PPP2CB: variants seen among roughly 807,000 people sequenced by gnomAD.
The protein encoded by PPP2CB is protein phosphatase 2 catalytic subunit beta, also known as serine/threonine-protein phosphatase 2A catalytic subunit beta isoform.
In PPP2CB, 18 loss-of-function variants were observed where a neutral mutation model predicts 39.1. The ratio of observed to expected loss-of-function variants is 0.46; its 90% CI spans 0.32 to 0.68. The LOEUF is 0.68. PPP2CB is among the 30% of genes least tolerant of loss of function. The probability of loss-of-function intolerance (pLI) is 0.04; values close to 1 mark genes in which losing one functional copy is unlikely to be tolerated. For synonymous variants in PPP2CB, 129 were observed against 133.8 expected, an observed-to-expected ratio of 0.96 and a Z score of 0.25; for missense variants, 226 against 396.9, an observed-to-expected ratio of 0.57 and a Z score of 3.66.
intron 1 of PPP2CB, among the ~76,000 whole-genome samples, chr8:30,811,471 G>A (rs1806824765): frequency 6.7e-6 from 1 of 149,970 alleles, no homozygotes; most frequent in Non-Finnish European, 1.5e-5. Flanking sequence ...CTACCTCTCC[G>A]CAAACAAACG....
chr8:30,789,856 A>G (rs1253340698), intron 6 of PPP2CB, among the ~76,000 whole-genome samples: 4 of 152,152 alleles, frequency 2.6e-5, no homozygotes, highest in South Asian at 2.1e-4. Context: ...TGGAGGCTAC[A>G]AGTCTGAAAG....
intron 6 of PPP2CB, among the ~76,000 whole-genome samples, chr8:30,789,037 C>T (rs564781598): frequency 2.7e-5 from 4 of 150,002 alleles, no homozygotes; most frequent in Non-Finnish European, 5.9e-5. Context: ...TGGCCCTGCT[C>T]GGATGTTTTT....
intron 1 of PPP2CB, among the ~76,000 whole-genome samples, chr8:30,801,535 GAA>G (rs5890535): frequency 0.023 from 3,027 of 129,734 alleles, 105 homozygotes; most frequent in African/African-American, 0.071. Context: ...CTCAGTCACA[GAA>G]AAAAAAAAAA....
At chr8:30,787,810 C>T (rs1306092968) in intron 6 of PPP2CB, among the ~76,000 whole-genome samples, 3 of 152,132 alleles carry the variant, frequency 2.0e-5, no homozygotes, top group Non-Finnish European at 1.5e-5. Context: ...CTCAAGCAAT[C>T]CTCTCAGCTT....
In PPP2CB at chr8:30,812,659, C is replaced by A; in HGVS notation, c.-238G>T. On this transcript the variant is annotated 5_prime_UTR_variant, in exon 1 of 7. Coordinates refer to ENST00000221138, the MANE Select transcript of PPP2CB (RefSeq NM_001009552.2). ...GAGACCCCCGCCCGCCCTTCCCCGCCCGGCCGCGCGCCGCGGGAGTCGGTG... is the reference window on the plus strand; with the variant it reads ...GAGACCCCCGCCCGCCCTTCCCCGCACGGCCGCGCGCCGCGGGAGTCGGTG... The A allele has an allele frequency of 2.8e-6, 1 of 363,074 alleles. No homozygotes were observed. The highest frequency in any genetic ancestry group is 8.3e-5 in the East Asian group (1 of 12,060). 22.5% of individuals were successfully genotyped at this position (363,074 alleles called of 1,614,324 possible).
chr8:30,793,828 A>C, intron 5 of PPP2CB, 89 bp downstream of exon 5: 1 of 1,370,146 alleles, frequency 7.3e-7, no homozygotes, highest in Non-Finnish European at 9.7e-7. Context: ...ATAAATGGTG[A>C]GGAATGTTTC....
intron 5 of PPP2CB, 103 bp downstream of exon 5, chr8:30,793,814 G>T: frequency 7.7e-7 from 1 of 1,297,758 alleles, no homozygotes; most frequent in Non-Finnish European, 1.0e-6. Flanking sequence ...TTTTCACCTA[G>T]GTAATAAATG....
intron 5 of PPP2CB, among the ~76,000 whole-genome samples, chr8:30,792,328 T>G (rs1478034087): frequency 1.3e-5 from 2 of 152,006 alleles, no homozygotes; most frequent in Non-Finnish European, 2.9e-5. Context: ...GTGCTGGGAA[T>G]AGAGGCACGA....
intron 1 of PPP2CB, among the ~76,000 whole-genome samples, chr8:30,800,786 C>A (rs1307443071): frequency 6.6e-6 from 1 of 152,208 alleles, no homozygotes; most frequent in South Asian, 2.1e-4. Flanking sequence ...TTCCAACAAG[C>A]TATTTACCGA....
intron 5 of PPP2CB, among the ~76,000 whole-genome samples, chr8:30,791,941 T>G (rs114741298): frequency 0.072 from 10,831 of 150,392 alleles, 484 homozygotes; most frequent in African/African-American, 0.1. Context: ...TATGTATACA[T>G]GTATGTGTGC....
chr8:30,791,952 G>A (rs747289611), intron 5 of PPP2CB, among the ~76,000 whole-genome samples: 42 of 141,910 alleles, frequency 3.0e-4, no homozygotes, highest in Admixed American at 4.2e-4. Context: ...GTATGTGTGC[G>A]CATATATGTA....
chr8:30,792,058 GTA>G (rs1806446698), intron 5 of PPP2CB, among the ~76,000 whole-genome samples: 3 of 146,866 alleles, frequency 2.0e-5, no homozygotes, highest in African/African-American at 5.3e-5. Context: ...ATTAGTGTAT[GTA>G]TGTGTGTATA....
At chr8:30,794,905 G>A (rs1806494433) in intron 3 of PPP2CB, among the ~76,000 whole-genome samples, 1 of 152,070 alleles carries the variant, frequency 6.6e-6, no homozygotes, top group African/African-American at 2.4e-5. Context: ...CAAGTCATTT[G>A]CAAAACTATT....
intron 1 of PPP2CB, among the ~76,000 whole-genome samples, chr8:30,805,759 T>C (rs1359514802): frequency 1.3e-5 from 2 of 152,208 alleles, no homozygotes; most frequent in African/African-American, 2.4e-5. Flanking sequence ...GTATAAAATA[T>C]TCACTTAATA....
intron 1 of PPP2CB, among the ~76,000 whole-genome samples, chr8:30,811,627 C>G (rs937502461): frequency 1.3e-5 from 2 of 151,638 alleles, no homozygotes; most frequent in Admixed American, 6.6e-5. Flanking sequence ...TCCCGAATAG[C>G]TGGGATTACA....
chr8:30,799,294 A>G (rs1364409844), intron 2 of PPP2CB, among the ~76,000 whole-genome samples: 2 of 152,236 alleles, frequency 1.3e-5, no homozygotes, highest in African/African-American at 2.4e-5. Flanking sequence ...CTGACTCAAT[A>G]TAACGGATAA....
Position 30,792,900 on chromosome 8 carries a change from G to T in PPP2CB, c.738+1017C>A, listed in dbSNP as rs1458850771. Among the ~76,000 whole-genome samples the T allele has an allele frequency of 3.3e-5, 5 of 151,752 alleles. No homozygotes were observed. The East Asian group carries it at 9.6e-4, about 29-fold the overall frequency. On this transcript the variant is annotated intron_variant, in intron 5 of 6. Coordinates refer to ENST00000221138, the MANE Select transcript of PPP2CB (RefSeq NM_001009552.2). The stretch of plus-strand genomic sequence containing the variant: ...ATTTATTTTTACTATGTAAATTTGT[G>T]TTTTTTTTATCATGCTCCCTTGTTT...
At chr8:30,786,368 T>A in intron 6 of PPP2CB, 61 bp from the exon 7 acceptor site, 3 of 1,360,940 alleles carry the variant, frequency 2.2e-6, no homozygotes, top group Non-Finnish European at 3.1e-6. Flanking sequence ...AACAAATGAA[T>A]AAAGAACAAG....
At chr8:30,798,779 A>G (rs978443543) in intron 2 of PPP2CB, among the ~76,000 whole-genome samples, 12 of 152,248 alleles carry the variant, frequency 7.9e-5, no homozygotes, top group South Asian at 2.1e-4. Context: ...GGCTGGGAGA[A>G]TAAGTTTCCT....
Sources: allele counts gnomAD v4.1 joint callset (sites outside exome capture counted in the v4.1 genomes callset), GRCh38; gene constraint gnomAD v4.1.1; transcripts MANE v1.5; gene names NCBI Gene and HGNC (gene_info 2026-07-23, HGNC 2026-07-21).